The following CNTNAP5 variants were observed in gnomAD, a reference collection of about 807,000 sequenced individuals.
CNTNAP5 encodes contactin associated protein family member 5, also known as contactin-associated protein-like 5.
A neutral mutation model predicts 150.2 loss-of-function variants in CNTNAP5; 72 were observed. The ratio of observed to expected loss-of-function variants is 0.48; its 90% CI spans 0.40 to 0.58. The LOEUF (loss-of-function observed/expected upper bound fraction) is 0.58. CNTNAP5 is among the 20% of genes least tolerant of loss of function. The pLI is 0.00. For missense variants in CNTNAP5, 1,636 were observed against 1,626.2 expected (o/e 1.01, Z -0.10); for synonymous variants, 672 against 619.8 (o/e 1.08, Z -1.25).
chr2:124,527,217 C>A, intron 9 of CNTNAP5, 68 bp from the exon 10 acceptor site: 3 of 1,413,144 alleles, frequency 2.1e-6, no homozygotes, highest in South Asian at 2.5e-5. Context: ...GGTCTTCCAT[C>A]AATAGGTCGC....
At chr2:124,347,253 G>A (rs1221576881) in intron 3 of CNTNAP5, among the ~76,000 whole-genome samples, 1 of 152,174 alleles carries the variant, frequency 6.6e-6, no homozygotes, top group African/African-American at 2.4e-5. Flanking sequence ...CCCCTCTCAT[G>A]ACGGGGCATC....
intron 3 of CNTNAP5, among the ~76,000 whole-genome samples, chr2:124,307,701 A>G (rs1225717002): frequency 6.6e-6 from 1 of 152,210 alleles, no homozygotes; most frequent in African/African-American, 2.4e-5. Context: ...TGAAGGAAGG[A>G]CAATGAATGC....
At chr2:124,624,798 G>T (rs1401591571) in intron 12 of CNTNAP5, among the ~76,000 whole-genome samples, 1 of 152,198 alleles carries the variant, frequency 6.6e-6, no homozygotes, top group African/African-American at 2.4e-5. Flanking sequence ...GGGGTGGTGG[G>T]CAGAGAAGAT....
intron 1 of CNTNAP5, among the ~76,000 whole-genome samples, chr2:124,101,083 C>G (rs1683051652): frequency 6.6e-6 from 1 of 152,018 alleles, no homozygotes; most frequent in Non-Finnish European, 1.5e-5. Flanking sequence ...CTTGGTCAAC[C>G]CTTGATCACG....
intron 2 of CNTNAP5, among the ~76,000 whole-genome samples, chr2:124,226,163 CTT>C (rs879726470): frequency 2.1e-5 from 3 of 143,064 alleles, no homozygotes; most frequent in Non-Finnish European, 1.5e-5. Context: ...ATGGTAGTTT[CTT>C]TTTTTTTTTT....
intron 3 of CNTNAP5, among the ~76,000 whole-genome samples, chr2:124,381,092 G>A (rs1207528443): frequency 6.6e-6 from 1 of 152,108 alleles, no homozygotes; most frequent in African/African-American, 2.4e-5. Context: ...GGAAAAAGAA[G>A]TGCAGGGAAC....
chr2:124,211,609 A>G (rs1222780389), intron 1 of CNTNAP5, among the ~76,000 whole-genome samples: 2 of 152,020 alleles, frequency 1.3e-5, no homozygotes, highest in African/African-American at 2.4e-5. Context: ...TTATTTTCTC[A>G]TCTACATACA....
chr2:124,309,795 A>T (rs2104655654), intron 3 of CNTNAP5, among the ~76,000 whole-genome samples: 2 of 152,334 alleles, frequency 1.3e-5, no homozygotes, highest in Non-Finnish European at 2.9e-5. Context: ...TAGTTGAGAC[A>T]TGAAAGAGAA....
At chr2:124,480,189 T>G (rs1007481201) in intron 7 of CNTNAP5, among the ~76,000 whole-genome samples, 2 of 152,208 alleles carry the variant, frequency 1.3e-5, no homozygotes, top group African/African-American at 4.8e-5. Context: ...GCAGTAAATA[T>G]ATTACAAACT....
chr2:124,174,478 T>G (rs942560926), intron 1 of CNTNAP5, among the ~76,000 whole-genome samples: 8 of 152,158 alleles, frequency 5.3e-5, no homozygotes, highest in Non-Finnish European at 2.9e-5. Context: ...CCAACCCTGA[T>G]GGATGAATTT....
intron 3 of CNTNAP5, among the ~76,000 whole-genome samples, chr2:124,410,586 C>T (rs1192280489): frequency 2.9e-4 from 43 of 146,062 alleles, no homozygotes; most frequent in Admixed American, 7.6e-4. Flanking sequence ...CACTCAAAAC[C>T]GCTCAACTAC....
chr2:124,457,255 C>A (rs1558910951), intron 6 of CNTNAP5, among the ~76,000 whole-genome samples: 1 of 152,006 alleles, frequency 6.6e-6, no homozygotes, highest in Non-Finnish European at 1.5e-5. Context: ...GACTTCATGA[C>A]CAAGAACCCA....
intron 3 of CNTNAP5, among the ~76,000 whole-genome samples, chr2:124,414,042 G>A (rs1010514406): frequency 6.6e-6 from 1 of 151,372 alleles, no homozygotes; most frequent in Non-Finnish European, 1.5e-5. Flanking sequence ...ATATTTTGGG[G>A]TACCATTTCC....
intron 3 of CNTNAP5, among the ~76,000 whole-genome samples, chr2:124,271,046 GA>G (rs1428908356): frequency 1.3e-5 from 2 of 151,996 alleles, no homozygotes; most frequent in Non-Finnish European, 2.9e-5. Flanking sequence ...GGCCCGTGTA[GA>G]ACCCCTGTCC....
chr2:124,286,266 T>C (rs1688146977), intron 3 of CNTNAP5, among the ~76,000 whole-genome samples: 1 of 152,160 alleles, frequency 6.6e-6, no homozygotes, highest in Admixed American at 6.5e-5. Context: ...ATCTCTCTCA[T>C]TCCCTGCTGA....
intron 3 of CNTNAP5, among the ~76,000 whole-genome samples, chr2:124,322,550 T>A (rs570193580): frequency 6.6e-6 from 1 of 152,324 alleles, no homozygotes; most frequent in Non-Finnish European, 1.5e-5. Context: ...TATTTGAGAA[T>A]CTATATTGCA....
At chr2:124,215,941 A>C (rs1296536520) in intron 1 of CNTNAP5, among the ~76,000 whole-genome samples, 1 of 152,172 alleles carries the variant, frequency 6.6e-6, no homozygotes, top group Non-Finnish European at 1.5e-5. Flanking sequence ...AACAGTAAGG[A>C]AACCTGAATT....
At chr2:124,860,445 TTCCTTCTTTCCTTCCTTCCTTCCTTCC>T (rs1677493156) in intron 19 of CNTNAP5, among the ~76,000 whole-genome samples, 2 of 114,548 alleles carry the variant, frequency 1.7e-5, no homozygotes, top group South Asian at 3.0e-4. Flanking sequence ...CCTTCCTTCC[TTCCTTCTTTCCTTCCTTCCTTCCTTCC>T]TTCCTTCCTT....
intron 5 of CNTNAP5, among the ~76,000 whole-genome samples, chr2:124,442,438 T>G (rs1692698397): frequency 6.6e-6 from 1 of 152,196 alleles, no homozygotes; most frequent in South Asian, 2.1e-4. Context: ...TTTAAAGTTA[T>G]ACAATCTATT....
Sources: gnomAD v4.1 joint callset for allele counts (sites outside exome capture counted in the v4.1 genomes callset) on GRCh38, gnomAD v4.1.1 for gene constraint, MANE v1.5 for transcripts, NCBI Gene and HGNC (gene_info 2026-07-23, HGNC 2026-07-21) for gene names.